The following PRKACB variants were observed in gnomAD, a reference collection of about 807,000 sequenced individuals.
PRKACB encodes the protein cAMP-dependent protein kinase catalytic subunit beta.
A neutral mutation model predicts 51.4 loss-of-function variants in PRKACB; 16 were observed. That is an observed-to-expected ratio of 0.31 (90% CI 0.21 to 0.47). The LOEUF (loss-of-function observed/expected upper bound fraction) is 0.47. Among genes scored for constraint, PRKACB ranks in the 20% least tolerant of loss-of-function variants. PRKACB has a pLI of 1.00. For synonymous variants in PRKACB, 147 were observed against 154.4 expected (o/e 0.95, Z 0.35); for missense variants, 309 against 464.5 (o/e 0.67, Z 3.08).
At chr1:84,207,084 G>A (rs1454885643) in intron 8 of PRKACB, among the ~76,000 whole-genome samples, 1 of 152,154 alleles carries the variant, frequency 6.6e-6, no homozygotes, top group Non-Finnish European at 1.5e-5. Flanking sequence ...CACAAAAGCA[G>A]TTTTACTCTT....
intron 1 of PRKACB, among the ~76,000 whole-genome samples, chr1:84,161,395 T>G (rs898297731): frequency 6.6e-6 from 1 of 151,916 alleles, no homozygotes; most frequent in African/African-American, 2.4e-5. Flanking sequence ...TATAGTTTGA[T>G]CTTGATTTTT....
At chr1:84,149,403 G>A (rs970182163) in intron 1 of PRKACB, among the ~76,000 whole-genome samples, 12 of 152,006 alleles carry the variant, frequency 7.9e-5, no homozygotes, top group African/African-American at 1.2e-4. Context: ...GGGACTATAG[G>A]CATGTGCCAC....
intron 1 of PRKACB, among the ~76,000 whole-genome samples, chr1:84,168,285 G>A (rs979347438): frequency 4.0e-5 from 6 of 151,336 alleles, no homozygotes; most frequent in Non-Finnish European, 3.0e-5. Context: ...TTTTTTCCTT[G>A]TATTTGCTTT....
At chr1:84,179,711 G>A (rs1662561416) in intron 2 of PRKACB, among the ~76,000 whole-genome samples, 1 of 151,432 alleles carries the variant, frequency 6.6e-6, no homozygotes, top group South Asian at 2.1e-4. Context: ...ATCTTAACTA[G>A]GATCTAAAAA....
intron 1 of PRKACB, among the ~76,000 whole-genome samples, chr1:84,151,690 T>C (rs1654874800): frequency 6.6e-6 from 1 of 152,218 alleles, no homozygotes; most frequent in Non-Finnish European, 1.5e-5. Flanking sequence ...CTACTTTCTT[T>C]GCTCATCTGC....
At chr1:84,114,672 G>A (rs1277095252) in intron 1 of PRKACB, among the ~76,000 whole-genome samples, 2 of 151,822 alleles carry the variant, frequency 1.3e-5, no homozygotes, top group South Asian at 2.1e-4. Context: ...CAGCCTCACC[G>A]TCCCCCTCCC....
chr1:84,180,074 T>C (rs1662753423), intron 2 of PRKACB, among the ~76,000 whole-genome samples: 1 of 147,666 alleles, frequency 6.8e-6, no homozygotes, highest in African/African-American at 2.5e-5. Flanking sequence ...GAGGTCGTTA[T>C]TTGAAAAAGA....
intron 6 of PRKACB, 37 bp from the exon 7 acceptor site, chr1:84,197,692 A>G (rs1668593263): frequency 3.7e-6 from 5 of 1,356,954 alleles, no homozygotes; most frequent in Admixed American, 1.8e-5. Context: ...ATTGTGAGGT[A>G]ATACATTTTC....
At chr1:84,233,898 CCTT>C (rs1291427244) in intron 9 of PRKACB, among the ~76,000 whole-genome samples, 3 of 150,996 alleles carry the variant, frequency 2.0e-5, no homozygotes, top group African/African-American at 7.3e-5. Context: ...TCGTCTGAAG[CCTT>C]CTTCTCTCAG....
At chr1:84,104,440 A>G (rs1489395831) in intron 1 of PRKACB, among the ~76,000 whole-genome samples, 1 of 152,134 alleles carries the variant, frequency 6.6e-6, no homozygotes, top group African/African-American at 2.4e-5. Context: ...TGCTGCAATA[A>G]ACATGGGGTG....
intron 1 of PRKACB, among the ~76,000 whole-genome samples, chr1:84,129,555 A>T (rs1013920405): frequency 6.6e-6 from 1 of 152,208 alleles, no homozygotes; most frequent in Non-Finnish European, 1.5e-5. Flanking sequence ...CACTGAGATT[A>T]AGGTGAAGCA....
chr1:84,201,559 C>G (rs1670104475), intron 7 of PRKACB, among the ~76,000 whole-genome samples: 1 of 152,012 alleles, frequency 6.6e-6, no homozygotes, highest in South Asian at 2.1e-4. Context: ...ACCACTCCTT[C>G]CCTTAAAAAG....
At chr1:84,219,963 T>C (rs1290741225) in intron 9 of PRKACB, among the ~76,000 whole-genome samples, 4 of 151,054 alleles carry the variant, frequency 2.6e-5, no homozygotes, top group African/African-American at 9.7e-5. Flanking sequence ...AATTTTAGGA[T>C]TTTTTTTTCT....
intron 1 of PRKACB, among the ~76,000 whole-genome samples, chr1:84,103,344 C>T (rs1192787743): frequency 7.1e-6 from 1 of 140,202 alleles, no homozygotes; most frequent in African/African-American, 2.7e-5. Flanking sequence ...AACTGCTATG[C>T]AAGAAGTCTG....
chr1:84,125,542 G>T (rs1651508966), intron 1 of PRKACB, among the ~76,000 whole-genome samples: 1 of 152,116 alleles, frequency 6.6e-6, no homozygotes, highest in African/African-American at 2.4e-5. Flanking sequence ...GAATTAATAG[G>T]GGGAGCATTC....
intron 1 of PRKACB, among the ~76,000 whole-genome samples, chr1:84,125,072 A>G (rs1271780534): frequency 6.6e-6 from 1 of 152,166 alleles, no homozygotes; most frequent in African/African-American, 2.4e-5. Context: ...AATAACACCC[A>G]TTTATTATCT....
At chr1:84,214,361 G>A in intron 9 of PRKACB, 44 bp downstream of exon 9, 1 of 1,479,430 alleles carries the variant, frequency 6.8e-7, no homozygotes, top group East Asian at 2.4e-5. Context: ...TAAAGTTGGT[G>A]TTTAAATTAT....
At chr1:84,080,605 T>C (rs1647455830) in intron 1 of PRKACB, among the ~76,000 whole-genome samples, 1 of 152,252 alleles carries the variant, frequency 6.6e-6, no homozygotes, top group African/African-American at 2.4e-5. Flanking sequence ...AGGTATATGT[T>C]GCTGTTCTGT....
chr1:84,160,652 T>A (rs1467107985), intron 1 of PRKACB, among the ~76,000 whole-genome samples: 2 of 150,112 alleles, frequency 1.3e-5, no homozygotes, highest in South Asian at 4.2e-4. Context: ...AGCTATGAAT[T>A]TTTTTTCTAA....
Sources: gnomAD v4.1 joint callset for allele counts (sites outside exome capture counted in the v4.1 genomes callset) on GRCh38, gnomAD v4.1.1 for gene constraint, MANE v1.5 for transcripts, NCBI Gene and HGNC (gene_info 2026-07-23, HGNC 2026-07-21) for gene names.